RFPL2: variants seen among roughly 807,000 people sequenced by gnomAD.
RFPL2 encodes ret finger protein like 2.
Under a neutral mutation model 17.8 loss-of-function variants are expected in RFPL2, and 13 were observed. The ratio of observed to expected loss-of-function variants is 0.73; its 90% CI spans 0.47 to 1.16. The LOEUF (loss-of-function observed/expected upper bound fraction) is 1.16. Among genes scored for constraint, RFPL2 ranks in the 50% most tolerant of loss-of-function variants. The probability of loss-of-function intolerance (pLI) is 0.00; values close to 1 mark genes in which losing one functional copy is unlikely to be tolerated. For synonymous variants in RFPL2, 189 were observed against 180.9 expected, an observed-to-expected ratio of 1.04 and a Z score of -0.36; for missense variants, 431 against 479.3, an observed-to-expected ratio of 0.90 and a Z score of 0.94.
At position 32,205,073 on chromosome 22, in the gene RFPL2, T is replaced by G. The variant is rs1398045241; in HGVS notation, c.-466A>C. Reference sequence around the variant, plus strand: ...TCTGCGTCGGCCTGCGTAGCTGCTCTGTGCCCGGCTTAGAGGAGAAGGAGG... The same window carrying G: ...TCTGCGTCGGCCTGCGTAGCTGCTCGGTGCCCGGCTTAGAGGAGAAGGAGG... On this transcript the variant is annotated 5_prime_UTR_variant, in exon 1 of 5. Coordinates refer to ENST00000652607, the MANE Select transcript of RFPL2 (RefSeq NM_001394555.1). The G allele has an allele frequency of 6.6e-6, 1 of 152,302 alleles. No individual in the cohort carries two copies. Among genetic ancestry groups the G allele is most frequent in the Admixed American group, 6.5e-5 (1 of 15,290 alleles). 9.4% of individuals were successfully genotyped at this position (152,302 alleles called of 1,614,324 possible).
At chr22:32,201,005 A>G (rs1426897389) in intron 2 of RFPL2, among the ~76,000 whole-genome samples, 1 of 151,004 alleles carries the variant, frequency 6.6e-6, no homozygotes. Flanking sequence ...CGCAGGAAAC[A>G]GTGCAAGGAG....
At chr22:32,193,235 G>T in intron 3 of RFPL2, 43 bp from the exon 4 acceptor site, 2 of 1,613,926 alleles carry the variant, frequency 1.2e-6, no homozygotes, top group Admixed American at 1.7e-5. Context: ...TTTCCATGAG[G>T]TGAAAGCCTG....
chr22:32,194,372 C>A lies in RFPL2; in HGVS notation c.238G>T (p.Glu80Ter). 6.2e-7 allele frequency: 1 copy of A among 1,604,832 alleles called. No individual in the cohort carries two copies. The highest frequency in any genetic ancestry group is 8.5e-7 in the Non-Finnish European group (1 of 1,177,606). Residue 80 changes from glutamate (E) to a stop codon, truncating the protein, a stop_gained, in exon 3 of 5, where the codon GAG (glutamate) becomes TAG (stop). Transcript: ENST00000652607. LOFTEE classifies it high-confidence loss of function. Reference protein sequence around the residue: ...QDLSAQWKQLEDRGASSRRVD... With the variant: ...QDLSAQWKQL ...CTTCTGCTGGAAGCTCCTCTGTCCT[C>A]CAGCTGCTTCCACTGGGCGCTCAGG...
intron 3 of RFPL2, 106 bp from the exon 4 acceptor site, chr22:32,193,298 T>C (rs1274131989): frequency 6.3e-7 from 1 of 1,597,892 alleles, no homozygotes; most frequent in East Asian, 2.2e-5. Flanking sequence ...GTGTTCCAGC[T>C]TTGTCACTCC....
At chr22:32,204,412 G>C (rs1924323415) in intron 1 of RFPL2, among the ~76,000 whole-genome samples, 1 of 152,098 alleles carries the variant, frequency 6.6e-6, no homozygotes, top group Non-Finnish European at 1.5e-5. Context: ...AGGCAGTGCA[G>C]CACCCAATAC....
chr22:32,194,064 G>C (rs539440139), intron 3 of RFPL2, among the ~76,000 whole-genome samples: 2 of 141,610 alleles, frequency 1.4e-5, no homozygotes, highest in East Asian at 3.9e-4. Flanking sequence ...CTCCAACCTG[G>C]ACAACAGAGT....
intron 1 of RFPL2, among the ~76,000 whole-genome samples, chr22:32,203,758 A>G (rs997559679): frequency 6.6e-6 from 1 of 150,912 alleles, no homozygotes; most frequent in Non-Finnish European, 1.5e-5. Flanking sequence ...AGCGCCCCCA[A>G]TCCTTGCCCC....
In RFPL2 at chr22:32,192,989, G is replaced by C; in HGVS notation, c.469C>G (p.Leu157Val). ...RKNKIRRNRQ[L>V]ERLASHIKEL... Reference sequence around the variant, plus strand: ...TTGATGTGGGAAGCCAGCCTCTCTAGCTGCCGATTGCGCCTGATTTTGTTC... The same window carrying C: ...TTGATGTGGGAAGCCAGCCTCTCTACCTGCCGATTGCGCCTGATTTTGTTC... Residue 157 changes from leucine (L) to valine (V), a missense_variant, in exon 4 of 5, where the codon CTA becomes GTA. Physicochemically the swap from Leu to Val is conservative, Grantham distance 32 (BLOSUM62 1). Coordinates refer to ENST00000652607, the MANE Select transcript of RFPL2 (RefSeq NM_001394555.1). 6.2e-7 allele frequency: 1 copy of C among 1,614,164 alleles called. No individual in the cohort carries two copies. The highest frequency in any genetic ancestry group is 8.5e-7 in the Non-Finnish European group (1 of 1,180,046).
Position 32,200,358 on chromosome 22 carries a change from C to T in RFPL2, c.119+1975G>A, listed in dbSNP as rs369167146. On this transcript the variant is annotated intron_variant, in intron 2 of 4. Coordinates refer to ENST00000652607, the MANE Select transcript of RFPL2 (RefSeq NM_001394555.1). The stretch of plus-strand genomic sequence containing the variant: ...CCAGGAAACCCTTAATAAATATCCT[C>T]ACTGTCAACCAGAAATCCTGCTCCC... The T allele has an allele frequency of 9.6e-5, 18 of 186,568 alleles. No homozygotes were observed. In the South Asian group the frequency reaches 2.0e-3, roughly 21 times the overall value. 11.6% of individuals were successfully genotyped at this position (186,568 alleles called of 1,614,324 possible).
In RFPL2 at chr22:32,190,754, T is replaced by G; in HGVS notation, c.*18A>C. On this transcript the variant is annotated 3_prime_UTR_variant, in exon 5 of 5. Coordinates refer to ENST00000652607, the MANE Select transcript of RFPL2 (RefSeq NM_001394555.1). ...AGTAATTTTCTTACCCTGTTTTTTGTTTTTTTGGAGTGAGGGCTTATTTGG... is the reference window on the plus strand; with the variant it reads ...AGTAATTTTCTTACCCTGTTTTTTGGTTTTTTGGAGTGAGGGCTTATTTGG... 1 of 1,500,326 alleles carries G rather than the reference T, an allele frequency of 6.7e-7. No individual in the cohort carries two copies. The allele number at this position is 1,500,326 out of a possible 1,614,324, so 92.9% of individuals were successfully genotyped here.
Position 32,190,995 on chromosome 22 carries a change from C to A in RFPL2, c.914G>T (p.Arg305Leu). 6.2e-7 allele frequency: 1 copy of A among 1,612,066 alleles called. No homozygotes were observed. The highest frequency in any genetic ancestry group is 8.5e-7 in the Non-Finnish European group (1 of 1,178,710). The change falls in exon 5 of 5, where the codon CGA (arginine) becomes CTA (leucine). Residue 305 changes from arginine to leucine, a missense_variant. Coordinates refer to ENST00000652607, the MANE Select transcript of RFPL2 (RefSeq NM_001394555.1). ...TFLFVDRKLQ[R>L]VGIFLDMGMQ... ...GCCCATATCCAGAAAAATCCCCACT[C>A]GCTGTAACTTGCGGTCTACGAAGAG...
Position 32,204,478 on chromosome 22 carries a change from C to T in RFPL2, c.-100+229G>A, listed in dbSNP as rs78349745. Reference sequence around the variant, plus strand: ...GTAGCCCACGATGGCGCCCTCAATCCGCCCCCGCTCCCACCTCGGGCAGTG... The same window carrying T: ...GTAGCCCACGATGGCGCCCTCAATCTGCCCCCGCTCCCACCTCGGGCAGTG... On this transcript the variant is annotated intron_variant, in intron 1 of 4. Coordinates refer to ENST00000652607, the MANE Select transcript of RFPL2 (RefSeq NM_001394555.1). 3.0e-3 allele frequency among the ~76,000 whole-genome samples: 464 copies of T among 152,342 alleles called. 2 individuals carry two copies. Among genetic ancestry groups the T allele is most frequent in the Non-Finnish European group, 4.4e-3 (300 of 68,024 alleles).
At chr22:32,203,207 C>G (rs762727407) in intron 1 of RFPL2, 8 of 549,944 alleles carry the variant, frequency 1.5e-5, no homozygotes, top group Non-Finnish European at 1.9e-5. Context: ...CAGCGCAGCC[C>G]GGGATAACTC....
intron 1 of RFPL2, 42 bp from the exon 2 acceptor site, chr22:32,202,592 T>C (rs139548752): frequency 0.026 from 37,046 of 1,439,072 alleles, 522 homozygotes; most frequent in Middle Eastern, 0.03. Flanking sequence ...GCGCACCTTG[T>C]CATGCTGGCC....
At chr22:32,195,923 C>T (rs532941468) in intron 2 of RFPL2, among the ~76,000 whole-genome samples, 16 of 152,140 alleles carry the variant, frequency 1.1e-4, no homozygotes, top group Admixed American at 4.6e-4. Context: ...CCCAAGCTCC[C>T]CTCCCTCTTA....
intron 1 of RFPL2, among the ~76,000 whole-genome samples, chr22:32,203,916 C>A (rs915278637): frequency 1.3e-5 from 2 of 151,640 alleles, no homozygotes; most frequent in African/African-American, 4.9e-5. Flanking sequence ...ACACGCCCCC[C>A]ACTACATGCG....
In RFPL2 at chr22:32,191,239, A is replaced by G. The variant is rs1158511403; in HGVS notation, c.670T>C (p.Phe224Leu). Residue 224 changes from phenylalanine (F) to leucine (L), a missense_variant, in exon 5 of 5, where the codon TTT (phenylalanine) becomes CTT (leucine). Phe to Leu is a conservative substitution (Grantham distance 22, BLOSUM62 0). Transcript: ENST00000652607. Reference sequence around the variant, plus strand: ...CCCAGGATGCAAACGGACACGTCAAATCTCTCGGCAAGGTCTTGCCGATTC... The same window carrying G: ...CCCAGGATGCAAACGGACACGTCAAGTCTCTCGGCAAGGTCTTGCCGATTC... ...RQNRQDLAER[F>L]DVSVCILGSP... The G allele has an allele frequency of 1.2e-6, 2 of 1,613,934 alleles. No homozygotes were observed. The highest frequency in any genetic ancestry group is 8.5e-7 in the Non-Finnish European group (1 of 1,179,854).
At chr22:32,201,995 T>A (rs1923962261) in intron 2 of RFPL2, among the ~76,000 whole-genome samples, 1 of 152,178 alleles carries the variant, frequency 6.6e-6, no homozygotes, top group Admixed American at 6.5e-5. Context: ...AAGTCCAAAA[T>A]GAGGCCTGAG....
At chr22:32,192,832 G>C (rs1190643205) in intron 4 of RFPL2, 70 bp downstream of exon 4, 3 of 1,530,548 alleles carry the variant, frequency 2.0e-6, no homozygotes, top group Non-Finnish European at 2.6e-6. Flanking sequence ...TGTGGAATGA[G>C]GGGCCAACTG....
Sources: gnomAD v4.1 joint callset for allele counts (sites outside exome capture counted in the v4.1 genomes callset) on GRCh38, gnomAD v4.1.1 for gene constraint, MANE v1.5 for transcripts, NCBI Gene and HGNC (gene_info 2026-07-23, HGNC 2026-07-21) for gene names.